TNRC6C: variants seen among roughly 807,000 people sequenced by gnomAD.
TNRC6C encodes trinucleotide repeat containing adaptor 6C, also known as trinucleotide repeat-containing gene 6C protein.
A neutral mutation model predicts 153.7 loss-of-function variants in TNRC6C; 20 were observed. The ratio of observed to expected loss-of-function variants is 0.13; its 90% CI spans 0.09 to 0.19. The LOEUF is 0.19. TNRC6C is among the 10% of genes least tolerant of loss of function. The pLI is 1.00. For missense variants in TNRC6C, 1,987 were observed against 2,172.0 expected (o/e 0.91, Z 1.69); for synonymous variants, 811 against 841.4 (o/e 0.96, Z 0.63).
intron 1 of TNRC6C, among the ~76,000 whole-genome samples, chr17:77,979,607 C>G (rs1156345338): frequency 6.6e-6 from 1 of 151,494 alleles, no homozygotes; most frequent in Non-Finnish European, 1.5e-5. Context: ...TGTTAAAAGT[C>G]TAAAATACTT....
At chr17:78,025,326 C>T (rs1280544814) in intron 1 of TNRC6C, among the ~76,000 whole-genome samples, 1 of 152,182 alleles carries the variant, frequency 6.6e-6, no homozygotes, top group Non-Finnish European at 1.5e-5. Context: ...CAGACAGTAT[C>T]TACATACTGT....
At chr17:78,023,239 C>T (rs1397170329) in intron 1 of TNRC6C, among the ~76,000 whole-genome samples, 1 of 152,196 alleles carries the variant, frequency 6.6e-6, no homozygotes, top group Non-Finnish European at 1.5e-5. Flanking sequence ...ATTTTGGCAT[C>T]CAAGGGGGTT....
At chr17:77,996,609 C>T (rs1241439307) in intron 1 of TNRC6C, among the ~76,000 whole-genome samples, 1 of 152,188 alleles carries the variant, frequency 6.6e-6, no homozygotes, top group African/African-American at 2.4e-5. Context: ...CAACTTATTC[C>T]TGAACTCAAG....
At chr17:78,105,723 CTG>C (rs1329916946) in exon 20 of TNRC6C, 3 of 152,200 alleles carry the variant, frequency 2.0e-5, no homozygotes, top group East Asian at 3.8e-4. Context: ...GAGGATTTAA[CTG>C]TGGGTTTTCC....
chr17:78,022,172 A>G (rs189396895), intron 1 of TNRC6C, among the ~76,000 whole-genome samples: 196 of 152,286 alleles, frequency 1.3e-3, no homozygotes, highest in African/African-American at 4.5e-3. Context: ...TGTAAGGGGC[A>G]TTCTTACTTC....
chr17:77,982,813 G>A (rs555881029), intron 1 of TNRC6C, among the ~76,000 whole-genome samples: 176 of 152,016 alleles, frequency 1.2e-3, no homozygotes, highest in Non-Finnish European at 1.9e-3. Context: ...CCTGGGTGAC[G>A]GAGCAAGATT....
upstream of TNRC6C, among the ~76,000 whole-genome samples, chr17:77,958,768 AGCCGCCGCCGCCGGCCCC>A (rs1249437660): frequency 6.7e-6 from 1 of 149,824 alleles, no homozygotes; most frequent in African/African-American, 2.4e-5. Context: ...CGGGAGCCGT[AGCCGCCGCCGCCGGCCCC>A]GCCGCCGCGC....
chr17:77,996,462 G>C (rs1002172294), intron 1 of TNRC6C, among the ~76,000 whole-genome samples: 3 of 152,094 alleles, frequency 2.0e-5, no homozygotes, highest in African/African-American at 7.2e-5. Flanking sequence ...CAGTCAGTGC[G>C]GTGAATCCAC....
In TNRC6C at chr17:78,075,535, C is replaced by T. The variant is rs1428386694; in HGVS notation, c.3060+257C>T. On this transcript the variant is annotated intron_variant, in intron 8 of 19. Coordinates refer to ENST00000301624, the Ensembl canonical transcript of TNRC6C. The surrounding 1 kb of genome is among the most constrained non-coding windows in gnomAD (Gnocchi z 4.2). ...TTATTGTGTGAACTTGGCTGGTTAT[C>T]TGCTTCAATTTGTCCAATGGGCAAG... 3 of 509,428 alleles carry T rather than the reference C, an allele frequency of 5.9e-6. No homozygotes were observed. The highest frequency in any genetic ancestry group is 1.0e-5 in the Non-Finnish European group (3 of 291,382). 31.6% of individuals were successfully genotyped at this position (509,428 alleles called of 1,614,324 possible).
At position 78,101,681 on chromosome 17, in the gene TNRC6C, A is replaced by C. The variant is rs558105075; in HGVS notation, c.4502-793A>C. 2.5e-3 allele frequency among the ~76,000 whole-genome samples: 385 copies of C among 152,282 alleles called. 1 individual carries two copies. The highest frequency in any genetic ancestry group is 8.9e-3 in the African/African-American group (371 of 41,536). ...CATTGTTTCCGTAGATACTAGATTA[A>C]CTACAAGTATCCCTTATGGGAGATA... On this transcript the variant is annotated intron_variant, in intron 17 of 19. Coordinates refer to ENST00000301624, the Ensembl canonical transcript of TNRC6C.
chr17:77,968,180 C>T (rs1020716309), intron 1 of TNRC6C, among the ~76,000 whole-genome samples: 1 of 152,284 alleles, frequency 6.6e-6, no homozygotes, highest in East Asian at 1.9e-4. Flanking sequence ...TTACAGGTGC[C>T]TGCCACCACG....
chr17:78,105,113 ATTT>A (rs57885030), exon 20 of TNRC6C: 82 of 295,766 alleles, frequency 2.8e-4, no homozygotes, highest in Non-Finnish European at 3.6e-4. Context: ...TGTCATTTTG[ATTT>A]TTTTTTTTTT....
intron 1 of TNRC6C, among the ~76,000 whole-genome samples, chr17:78,028,015 C>A (rs1343944106): frequency 2.0e-5 from 3 of 151,794 alleles, no homozygotes; most frequent in African/African-American, 7.3e-5. Flanking sequence ...CCTGCCTCAG[C>A]CTCCCGAGTA....
chr17:78,000,633 C>A (rs1290357763), upstream of TNRC6C, among the ~76,000 whole-genome samples: 2 of 108,054 alleles, frequency 1.9e-5, no homozygotes, highest in Non-Finnish European at 4.0e-5. Context: ...CCCCCCCCCA[C>A]ACACACACAA....
intron 7 of TNRC6C, among the ~76,000 whole-genome samples, chr17:78,073,567 A>G (rs1299489050): frequency 6.6e-6 from 1 of 152,168 alleles, no homozygotes; most frequent in Non-Finnish European, 1.5e-5. Flanking sequence ...ATAATGTTAA[A>G]TATTTACATT....
chr17:78,055,232 A>C (rs1413990743), intron 3 of TNRC6C, among the ~76,000 whole-genome samples: 5 of 152,144 alleles, frequency 3.3e-5, no homozygotes, highest in Non-Finnish European at 5.9e-5. Context: ...TGTACCTTTT[A>C]AACTTTTTTG....
At chr17:78,100,462 T>G (rs912807845) in intron 17 of TNRC6C, among the ~76,000 whole-genome samples, 1 of 152,234 alleles carries the variant, frequency 6.6e-6, no homozygotes, top group Non-Finnish European at 1.5e-5. Context: ...GGCTTGGAGA[T>G]TGCTCCCTCT....
chr17:78,098,600 T>G, intron 17 of TNRC6C, 63 bp downstream of exon 20: 2 of 1,537,022 alleles, frequency 1.3e-6, no homozygotes, highest in Non-Finnish European at 8.8e-7. Context: ...TGCTTATCAC[T>G]TTGTCCTGTA....
rs575403882 is a variant in TNRC6C at position 78,101,626 on chromosome 17, C to T, written c.4502-848C>T. ...AGAGCCCTAAACAGAGATTTACCCA[C>T]GTATTTATTAACAGCAAGTCAGTCA... On this transcript the variant is annotated intron_variant, in intron 17 of 19. Coordinates refer to ENST00000301624, the Ensembl canonical transcript of TNRC6C. 1.7e-4 allele frequency among the ~76,000 whole-genome samples: 26 copies of T among 152,206 alleles called. No homozygotes were observed. The South Asian group carries it at 5.0e-3, about 29-fold the overall frequency.
Sources: gnomAD v4.1 joint callset for allele counts (sites outside exome capture counted in the v4.1 genomes callset) on GRCh38, gnomAD v4.1.1 for gene constraint, Gnocchi (gnomAD v3.1) non-coding constraint, MANE v1.5 for transcripts, NCBI Gene and HGNC (gene_info 2026-07-23, HGNC 2026-07-21) for gene names.